RANBP2: variants seen among roughly 807,000 people sequenced by gnomAD.
RANBP2 encodes E3 SUMO-protein ligase RanBP2.
RANBP2 carries 57 observed loss-of-function variants against 303.6 expected under a neutral mutation model. The observed-to-expected ratio is 0.19, with a 90% confidence interval of 0.15 to 0.23. The LOEUF is 0.23. Among genes scored for constraint, RANBP2 ranks in the 10% least tolerant of loss-of-function variants. The probability of loss-of-function intolerance (pLI) is 1.00; values close to 1 mark genes in which losing one functional copy is unlikely to be tolerated. For synonymous variants in RANBP2, 1,167 were observed against 1,301.5 expected, an observed-to-expected ratio of 0.90 and a Z score of 2.23; for missense variants, 3,138 against 3,780.8, an observed-to-expected ratio of 0.83 and a Z score of 4.46.
the RANBP2 span, among the ~76,000 whole-genome samples, chr2:109,602,303 T>C: frequency 6.9e-6 from 1 of 145,692 alleles, no homozygotes; most frequent in African/African-American, 2.7e-5. Flanking sequence ...TTAAGGACAA[T>C]AAAATTAAGA....
At chr2:109,005,205 G>A in the RANBP2 span, among the ~76,000 whole-genome samples, 2 of 152,330 alleles carry the variant, frequency 1.3e-5, no homozygotes, top group South Asian at 4.1e-4. Flanking sequence ...TGCTCAGGAG[G>A]AATCTGGTTC....
chr2:109,719,171 A>T, the RANBP2 span, among the ~76,000 whole-genome samples: 2 of 144,516 alleles, frequency 1.4e-5, no homozygotes, highest in African/African-American at 5.1e-5. Context: ...ATCTGGGCTC[A>T]CCGCAACCTC....
the RANBP2 span, among the ~76,000 whole-genome samples, chr2:109,266,928 C>T: frequency 6.6e-6 from 1 of 152,332 alleles, no homozygotes; most frequent in South Asian, 2.1e-4. Context: ...GAGAGGATGT[C>T]TGTGAGCTGG....
At chr2:109,545,343 A>C in the RANBP2 span, 1 of 1,496,638 alleles carries the variant, frequency 6.7e-7, no homozygotes, top group Non-Finnish European at 8.9e-7. Flanking sequence ...AGGAAAAATA[A>C]ACTTATTTTC....
chr2:109,712,161 C>T, the RANBP2 span, among the ~76,000 whole-genome samples: 2 of 152,202 alleles, frequency 1.3e-5, no homozygotes, highest in African/African-American at 4.8e-5. Context: ...TTAAAACAGG[C>T]CTCCTATAAA....
chr2:109,413,033 G>A, the RANBP2 span, among the ~76,000 whole-genome samples: 1 of 152,218 alleles, frequency 6.6e-6, no homozygotes, highest in Non-Finnish European at 1.5e-5. Context: ...AACTTCAGGA[G>A]TGCAGGTTTT....
chr2:108,895,139 ACAG>A, the RANBP2 span: 1 of 152,620 alleles, frequency 6.6e-6, no homozygotes, highest in African/African-American at 2.4e-5. Context: ...GGTTCGAAAA[ACAG>A]CAGCAAACAG....
In RANBP2 at chr2:108,766,025, T is replaced by C. The variant is rs750273657; in HGVS notation, c.5486T>C (p.Leu1829Ser). Residue 1829 changes from leucine (L) to serine (S), a missense_variant, in exon 20 of 29, where the codon TTG (leucine) becomes TCG (serine). By Grantham distance (145) the Leu-to-Ser change is moderately radical. Around this residue, in one of 20 missense-constraint regions of RANBP2, gnomAD observed 348 missense variants for 360.4 expected, o/e 0.97. Transcript: ENST00000283195. ...TTCACACTGGGCTCAGAAATGAAGT[T>C]GCATGACTCTTCTGGAAGTCAGGTG... ...SAFTLGSEMK[L>S]HDSSGSQVGT... 2.5e-6 allele frequency: 4 copies of C among 1,614,036 alleles called. No individual in the cohort carries two copies. Among genetic ancestry groups the C allele is most frequent in the African/African-American group, 2.7e-5 (2 of 74,934 alleles).
the RANBP2 span, among the ~76,000 whole-genome samples, chr2:109,324,303 C>G: frequency 5.0e-4 from 76 of 152,306 alleles, no homozygotes; most frequent in African/African-American, 1.7e-3. Context: ...CAGGTTTCCA[C>G]TGCTCTAGGA....
the RANBP2 span, among the ~76,000 whole-genome samples, chr2:109,143,542 A>G: frequency 6.6e-6 from 1 of 152,300 alleles, no homozygotes; most frequent in East Asian, 1.9e-4. Context: ...CAGGAGCTTG[A>G]GACCAGCCTG....
the RANBP2 span, among the ~76,000 whole-genome samples, chr2:109,736,815 T>C: frequency 2.0e-5 from 3 of 152,144 alleles, no homozygotes; most frequent in Non-Finnish European, 4.4e-5. Flanking sequence ...ATAGAAATGA[T>C]TGACAGTTAA....
the RANBP2 span, among the ~76,000 whole-genome samples, chr2:109,230,484 G>C: frequency 3.9e-3 from 590 of 152,300 alleles, 6 homozygotes; most frequent in African/African-American, 0.013. Context: ...GGGGGCTGAG[G>C]CAGGAGAATT....
At chr2:108,780,600 G>A (rs1230528226) in intron 25 of RANBP2, among the ~76,000 whole-genome samples, 21 of 151,176 alleles carry the variant, frequency 1.4e-4, no homozygotes. Flanking sequence ...GGCAATCTCA[G>A]CTCACTGCAA....
chr2:109,642,394 A>T, the RANBP2 span, among the ~76,000 whole-genome samples: 1 of 152,210 alleles, frequency 6.6e-6, no homozygotes, highest in South Asian at 2.1e-4. Context: ...AGCGCCAAAC[A>T]AAGTTCTTGG....
chr2:108,837,136 C>G, the RANBP2 span, among the ~76,000 whole-genome samples: 1 of 152,200 alleles, frequency 6.6e-6, no homozygotes, highest in South Asian at 2.1e-4. Flanking sequence ...GGAGGAAAGG[C>G]TTTCATTCTT....
chr2:108,738,791 G>C (rs539823121), intron 6 of RANBP2, among the ~76,000 whole-genome samples: 1 of 151,266 alleles, frequency 6.6e-6, no homozygotes, highest in Non-Finnish European at 1.5e-5. Context: ...ACCACGCCTG[G>C]CTAATTTTTT....
the RANBP2 span, among the ~76,000 whole-genome samples, chr2:109,639,453 T>C: frequency 1.2e-4 from 19 of 152,020 alleles, 1 homozygote; most frequent in South Asian, 3.3e-3. Flanking sequence ...ACCCCGTCTC[T>C]ACTAAAAATA....
the RANBP2 span, among the ~76,000 whole-genome samples, chr2:109,539,720 G>A: frequency 6.6e-6 from 1 of 152,194 alleles, no homozygotes; most frequent in Non-Finnish European, 1.5e-5. Flanking sequence ...TGGGATTACA[G>A]GAGTGAGCCA....
chr2:109,198,953 C>A, the RANBP2 span, among the ~76,000 whole-genome samples: 1 of 152,104 alleles, frequency 6.6e-6, no homozygotes, highest in African/African-American at 2.4e-5. Context: ...CTTATGGGAC[C>A]CCATGGTATA....
Sources: gnomAD v4.1 joint callset for allele counts (sites outside exome capture counted in the v4.1 genomes callset) on GRCh38, gnomAD v4.1.1 for gene constraint, gnomAD v4.1.1 regional missense constraint, MANE v1.5 for transcripts, NCBI Gene and HGNC (gene_info 2026-07-23, HGNC 2026-07-21) for gene names.